Variants in PDZRN3 observed in about 807,000 individuals in gnomAD.
PDZRN3 encodes PDZ domain containing ring finger 3, also known as E3 ubiquitin-protein ligase PDZRN3.
A neutral mutation model predicts 85.7 loss-of-function variants in PDZRN3; 38 were observed. The ratio of observed to expected loss-of-function variants is 0.44; its 90% CI spans 0.34 to 0.58. PDZRN3 has a LOEUF of 0.58. Among genes scored for constraint, PDZRN3 ranks in the 20% least tolerant of loss-of-function variants. The pLI is 0.01. For synonymous variants in PDZRN3, 759 were observed against 638.0 expected, an observed-to-expected ratio of 1.19 and a Z score of -2.86; for missense variants, 1,629 against 1,506.4, an observed-to-expected ratio of 1.08 and a Z score of -1.35.
chr3:73,388,187 T>C (rs543305856), intron 7 of PDZRN3, 118 bp from the exon 8 acceptor site: 58 of 590,536 alleles, frequency 9.8e-5, no homozygotes, highest in African/African-American at 9.4e-4. Flanking sequence ...AGTTAGAACA[T>C]ACAACTTCCG....
At chr3:73,461,519 A>T (rs1703103132) in intron 3 of PDZRN3, among the ~76,000 whole-genome samples, 1 of 152,250 alleles carries the variant, frequency 6.6e-6, no homozygotes, top group African/African-American at 2.4e-5. Context: ...GTTTTGTTAA[A>T]AATGGGCAGT....
chr3:73,425,764 G>A (rs575685127), intron 3 of PDZRN3, among the ~76,000 whole-genome samples: 11 of 152,002 alleles, frequency 7.2e-5, no homozygotes, highest in Non-Finnish European at 1.6e-4. Flanking sequence ...CAAAAAAATC[G>A]ACTTCTAGAA....
chr3:73,515,520 C>A (rs577010961), intron 3 of PDZRN3, among the ~76,000 whole-genome samples: 1 of 152,152 alleles, frequency 6.6e-6, no homozygotes, highest in African/African-American at 2.4e-5. Flanking sequence ...TGCTTCTCTC[C>A]CAACTCCAAA....
intron 3 of PDZRN3, among the ~76,000 whole-genome samples, chr3:73,547,899 T>C (rs1701462759): frequency 6.6e-6 from 1 of 152,158 alleles, no homozygotes. Flanking sequence ...TTAAAAGTCT[T>C]ATAAAAAGGC....
At chr3:73,558,495 T>G (rs1701748185) in intron 3 of PDZRN3, among the ~76,000 whole-genome samples, 1 of 152,196 alleles carries the variant, frequency 6.6e-6, no homozygotes, top group African/African-American at 2.4e-5. Flanking sequence ...GTGGATAAAC[T>G]AGATGACTCA....
At chr3:73,554,462 ACAT>A (rs940144357) in intron 3 of PDZRN3, among the ~76,000 whole-genome samples, 21 of 152,120 alleles carry the variant, frequency 1.4e-4, no homozygotes, top group South Asian at 4.2e-4. Context: ...ATCGTCATCG[ACAT>A]CATCATCATC....
intron 9 of PDZRN3, 142 bp from the exon 10 acceptor site, chr3:73,385,072 GT>G: frequency 5.5e-6 from 5 of 910,272 alleles, no homozygotes; most frequent in Non-Finnish European, 6.5e-6. Flanking sequence ...GTAGGACCAC[GT>G]CAATAGCGTG....
intron 3 of PDZRN3, among the ~76,000 whole-genome samples, chr3:73,451,015 C>T (rs560079014): frequency 5.3e-4 from 81 of 152,148 alleles, no homozygotes; most frequent in African/African-American, 1.9e-3. Flanking sequence ...AACCTACCGT[C>T]ACCGCCAATC....
chr3:73,431,526 G>A (rs1189242288), intron 3 of PDZRN3, among the ~76,000 whole-genome samples: 1 of 152,140 alleles, frequency 6.6e-6, no homozygotes, highest in Admixed American at 6.5e-5. Flanking sequence ...CCCTAATAAG[G>A]CTTTGCATAA....
intron 3 of PDZRN3, among the ~76,000 whole-genome samples, chr3:73,488,645 G>GA (rs1428830513): frequency 6.6e-6 from 1 of 152,182 alleles, no homozygotes; most frequent in Non-Finnish European, 1.5e-5. Context: ...GCCCTTAGAA[G>GA]AAATTATATT....
chr3:73,552,658 A>G (rs1701590839), intron 3 of PDZRN3, among the ~76,000 whole-genome samples: 1 of 152,206 alleles, frequency 6.6e-6, no homozygotes, highest in African/African-American at 2.4e-5. Flanking sequence ...AGGCATCGCT[A>G]TTTATGTTAG....
At chr3:73,486,938 T>TCTG (rs1703673995) in intron 3 of PDZRN3, among the ~76,000 whole-genome samples, 1 of 96 alleles carries the variant, frequency 0.01, no homozygotes, top group African/African-American at 0.033. Context: ...ATAAGCTAAA[T>TCTG]CTTTGTCTAG....
At chr3:73,401,152 T>C in intron 4 of PDZRN3, 143 bp from the exon 5 acceptor site, 1 of 642,870 alleles carries the variant, frequency 1.6e-6, no homozygotes, top group East Asian at 2.7e-5. Flanking sequence ...GATGGGGCTC[T>C]CAGCACGGTC....
At chr3:73,434,075 CAA>C in intron 3 of PDZRN3, 1 of 442,262 alleles carries the variant, frequency 2.3e-6, no homozygotes, top group African/African-American at 2.1e-5. Context: ...TCATAACAGA[CAA>C]TGATACAGAA....
chr3:73,567,980 A>C (rs1006782683), intron 3 of PDZRN3, among the ~76,000 whole-genome samples: 3 of 152,234 alleles, frequency 2.0e-5, no homozygotes, highest in African/African-American at 7.2e-5. Context: ...GCGATAATGA[A>C]ATAAATAAGG....
At chr3:73,539,762 C>T (rs1704871295) in intron 3 of PDZRN3, among the ~76,000 whole-genome samples, 1 of 152,032 alleles carries the variant, frequency 6.6e-6, no homozygotes, top group South Asian at 2.1e-4. Flanking sequence ...GTTTTTTACA[C>T]AGCAATAGAT....
Position 73,624,907 on chromosome 3 carries a change from AC to A in PDZRN3, c.-83del. 2 of 1,084,392 alleles carry A rather than the reference AC, an allele frequency of 1.8e-6. No homozygotes were observed. The highest frequency in any genetic ancestry group is 8.0e-5 in the South Asian group (2 of 25,014). 67.2% of individuals were successfully genotyped at this position (1,084,392 alleles called of 1,614,324 possible). On this transcript the variant is annotated 5_prime_UTR_variant, in exon 1 of 10. Coordinates refer to ENST00000263666, the MANE Select transcript of PDZRN3 (RefSeq NM_015009.3). ...ACGAGGCGGCCCAGACAGGCCGGCT[AC>A]GCCGCCCGCGCGCTCGCTGGCTCTC...
At chr3:73,504,639 G>C (rs999818140) in intron 3 of PDZRN3, among the ~76,000 whole-genome samples, 2 of 152,098 alleles carry the variant, frequency 1.3e-5, no homozygotes, top group Admixed American at 1.3e-4. Flanking sequence ...GACATATTTT[G>C]TAATGACTCC....
chr3:73,432,517 CAG>C (rs1009964235), intron 3 of PDZRN3, among the ~76,000 whole-genome samples: 4 of 152,156 alleles, frequency 2.6e-5, no homozygotes, highest in East Asian at 1.9e-4. Flanking sequence ...GGCAGACAGA[CAG>C]AGAGATACTT....
Sources: allele counts gnomAD v4.1 joint callset (sites outside exome capture counted in the v4.1 genomes callset), GRCh38; gene constraint gnomAD v4.1.1; transcripts MANE v1.5; gene names NCBI Gene and HGNC (gene_info 2026-07-23, HGNC 2026-07-21).